DNM1L: variants seen among roughly 807,000 people sequenced by gnomAD.
DNM1L encodes the protein dynamin-1-like protein.
In DNM1L, 33 loss-of-function variants were observed where a neutral mutation model predicts 92.8. That is an observed-to-expected ratio of 0.36 (90% CI 0.27 to 0.48). The LOEUF is 0.48. Among genes scored for constraint, DNM1L ranks in the 20% least tolerant of loss-of-function variants. The pLI is 0.99. For synonymous variants in DNM1L, 284 were observed against 305.0 expected (o/e 0.93, Z 0.72); for missense variants, 485 against 888.8 (o/e 0.55, Z 5.78).
At chr12:32,734,276 A>G (rs7135097) in intron 13 of DNM1L, among the ~76,000 whole-genome samples, 4,036 of 152,304 alleles carry the variant, frequency 0.026, 61 homozygotes, top group East Asian at 0.07. Flanking sequence ...AACAAATTGA[A>G]TAAGATCTCA....
chr12:32,689,414 C>T (rs1384923998), intron 1 of DNM1L, among the ~76,000 whole-genome samples: 2 of 152,096 alleles, frequency 1.3e-5, no homozygotes, highest in Non-Finnish European at 2.9e-5. Context: ...TCAGTCTGGT[C>T]TCAACCTCAG....
In DNM1L at chr12:32,737,617, T is replaced by C. The variant is rs58595773; in HGVS notation, c.1597-248T>C. On this transcript the variant is annotated intron_variant, in intron 14 of 19. Transcript: ENST00000549701. ...ATTCTTTGCCAGAAAAGAATCTTAT[T>C]AAATACCAAAAATAAAAATGAAGCT... is the stretch of plus-strand genomic sequence containing the variant. The C allele has an allele frequency of 0.029, 13,876 of 481,998 alleles. 405 individuals are homozygous for C. The highest frequency in any genetic ancestry group is 0.095 in the African/African-American group (4,887 of 51,378). 29.9% of individuals were successfully genotyped at this position (481,998 alleles called of 1,614,324 possible).
chr12:32,720,923 T>C, intron 8 of DNM1L, 128 bp downstream of exon 8: 1 of 1,219,160 alleles, frequency 8.2e-7, no homozygotes, highest in South Asian at 1.3e-5. Context: ...TCTTATATAG[T>C]AGGTTCCTGA....
chr12:32,699,368 A>T (rs1019666223), intron 1 of DNM1L, among the ~76,000 whole-genome samples: 3 of 152,234 alleles, frequency 2.0e-5, no homozygotes, highest in African/African-American at 7.2e-5. Flanking sequence ...ATGGATAAAG[A>T]ACTTTATTAT....
intron 9 of DNM1L, among the ~76,000 whole-genome samples, chr12:32,726,068 A>G (rs1170464652): frequency 3.3e-5 from 5 of 152,164 alleles, no homozygotes; most frequent in Admixed American, 2.0e-4. Flanking sequence ...TTACGAAAAA[A>G]AAAAGTGTTT....
chr12:32,722,796 A>C (rs1349566706), intron 9 of DNM1L, 163 bp downstream of exon 9: 1 of 553,938 alleles, frequency 1.8e-6, no homozygotes, highest in Non-Finnish European at 3.1e-6. Flanking sequence ...TTGTGTGAAA[A>C]TATGCTTTGT....
intron 19 of DNM1L, 57 bp from the exon 20 acceptor site, chr12:32,743,297 C>A: frequency 6.7e-7 from 1 of 1,500,338 alleles, no homozygotes. Context: ...CTGCGTAATT[C>A]AGATTAATTT....
intron 1 of DNM1L, among the ~76,000 whole-genome samples, chr12:32,684,552 A>G (rs1391855465): frequency 1.3e-5 from 2 of 151,094 alleles, no homozygotes; most frequent in Non-Finnish European, 2.9e-5. Context: ...ATCTCAGCTC[A>G]CTGCAACCCT....
chr12:32,695,693 C>G (rs1225067447), intron 1 of DNM1L, among the ~76,000 whole-genome samples: 1 of 151,948 alleles, frequency 6.6e-6, no homozygotes, highest in Non-Finnish European at 1.5e-5. Flanking sequence ...ATCACCTGAG[C>G]CTGGGAAGGT....
In DNM1L at chr12:32,731,775, G is replaced by A. The variant is rs117727474; in HGVS notation, c.1357-79G>A. 3.0e-3 allele frequency: 3,657 copies of A among 1,230,750 alleles called. 13 individuals carry two copies. Among genetic ancestry groups the A allele is most frequent in the Non-Finnish European group, 3.8e-3 (3,226 of 840,806 alleles). The allele number at this position is 1,230,750 out of a possible 1,614,324, so 76.2% of individuals were successfully genotyped here. ...TCTCAGCTACTTGGGAGGCTAAGGTGGGAGGATGGCTTAGTGAGACTATGA... is the reference window on the plus strand; with the variant it reads ...TCTCAGCTACTTGGGAGGCTAAGGTAGGAGGATGGCTTAGTGAGACTATGA... On this transcript the variant is annotated intron_variant, in intron 11 of 19. Transcript: ENST00000549701. This position sits in a 1 kb window ranked among gnomAD's most constrained non-coding sequence, Gnocchi z 5.1.
chr12:32,690,883 T>TA (rs1194975332), intron 1 of DNM1L, among the ~76,000 whole-genome samples: 1 of 152,184 alleles, frequency 6.6e-6, no homozygotes, highest in Non-Finnish European at 1.5e-5. Context: ...CTGATGGCAT[T>TA]AAAAAAATCA....
chr12:32,709,817 T>C (rs1365895334), intron 4 of DNM1L, among the ~76,000 whole-genome samples: 1 of 152,240 alleles, frequency 6.6e-6, no homozygotes, highest in Non-Finnish European at 1.5e-5. Flanking sequence ...TAAGTAGGTA[T>C]GCCAGATAGT....
At chr12:32,732,095 T>C (rs1415641613) in intron 12 of DNM1L, 152 bp downstream of exon 12, 1 of 656,156 alleles carries the variant, frequency 1.5e-6, no homozygotes, top group African/African-American at 1.8e-5. Flanking sequence ...TGAGTTTCAG[T>C]CTCATTTTAA....
intron 6 of DNM1L, among the ~76,000 whole-genome samples, chr12:32,715,195 G>A (rs1211197860): frequency 2.0e-5 from 3 of 151,068 alleles, no homozygotes; most frequent in Non-Finnish European, 2.9e-5. Context: ...CTGGGCTCAA[G>A]TGATCTTCCC....
At chr12:32,720,172 C>T (rs1953741808) in intron 7 of DNM1L, among the ~76,000 whole-genome samples, 1 of 152,180 alleles carries the variant, frequency 6.6e-6, no homozygotes, top group Admixed American at 6.6e-5. Flanking sequence ...CCCATCCCCA[C>T]TCCCAATTCC....
chr12:32,721,280 C>T (rs1049897101), intron 8 of DNM1L, among the ~76,000 whole-genome samples: 4 of 152,152 alleles, frequency 2.6e-5, no homozygotes, highest in African/African-American at 9.7e-5. Flanking sequence ...GAAGCCCTTT[C>T]TAGATGATTT....
Position 32,713,156 on chromosome 12 carries a change from A to C in DNM1L, c.457-53A>C. 3 of 1,601,090 alleles carry C rather than the reference A, an allele frequency of 1.9e-6. No homozygotes were observed. In the Admixed American group the frequency reaches 5.0e-5, roughly 27 times the overall value. On this transcript the variant is annotated intron_variant, in intron 5 of 19. Coordinates refer to ENST00000549701, the MANE Select transcript of DNM1L (RefSeq NM_012062.5). ...TTCTATCGATTAAATGTGGGTAAAA[A>C]AGCTGAGTTGATTTTTAATTATTAG...
At chr12:32,713,159 C>T (rs1953207537) in intron 5 of DNM1L, 50 bp from the exon 6 acceptor site, 1 of 1,602,526 alleles carries the variant, frequency 6.2e-7, no homozygotes, top group African/African-American at 1.3e-5. Flanking sequence ...GGTAAAAAAG[C>T]TGAGTTGATT....
At chr12:32,732,621 C>T (rs1954625323) in intron 12 of DNM1L, 1 of 454,310 alleles carries the variant, frequency 2.2e-6, no homozygotes, top group Non-Finnish European at 4.4e-6. Context: ...GTAAGTGCTG[C>T]TGCTTGGTTG....
Sources: allele counts gnomAD v4.1 joint callset (sites outside exome capture counted in the v4.1 genomes callset), GRCh38; gene constraint gnomAD v4.1.1; non-coding constraint Gnocchi (gnomAD v3.1); transcripts MANE v1.5; gene names NCBI Gene and HGNC (gene_info 2026-07-23, HGNC 2026-07-21).